CRMP1: variants seen among roughly 807,000 people sequenced by gnomAD.
The protein encoded by CRMP1 is dihydropyrimidinase-related protein 1.
A neutral mutation model predicts 68.3 loss-of-function variants in CRMP1; 19 were observed. That is an observed-to-expected ratio of 0.28 (90% CI 0.19 to 0.41). CRMP1 has a LOEUF of 0.41. Among genes scored for constraint, CRMP1 ranks in the 10% least tolerant of loss-of-function variants. The pLI is 1.00. For synonymous variants in CRMP1, 439 were observed against 399.6 expected, an observed-to-expected ratio of 1.10 and a Z score of -1.18; for missense variants, 791 against 967.4, an observed-to-expected ratio of 0.82 and a Z score of 2.42.
In CRMP1 at chr4:5,859,087, A is replaced by G. The variant is rs1713352482; in HGVS notation, c.655+1939T>C. ...CAGGAGTCACAGTTTCTAGTCATAC[A>G]TGTGGACGATTAGTGACTCCCCAAG... On this transcript the variant is annotated intron_variant, in intron 3 of 13. Coordinates refer to ENST00000324989, the MANE Select transcript of CRMP1 (RefSeq NM_001014809.3). This position sits in a 1 kb window ranked among gnomAD's most constrained non-coding sequence, Gnocchi z 5.2. 6.6e-6 allele frequency among the ~76,000 whole-genome samples: 1 copy of G among 152,120 alleles called. No individual in the cohort carries two copies. The highest frequency in any genetic ancestry group is 6.5e-5 in the Admixed American group (1 of 15,268).
chr4:5,888,474 C>T lies in CRMP1; in HGVS notation c.381+4115G>A. ...CGCCGCTCCGGCTGCCAGCACCGCC[C>T]GGATCGGCGAGGAGGGCGGGAGAAG... On this transcript the variant is annotated intron_variant, in intron 1 of 13. Transcript: ENST00000324989. The surrounding 1 kb of genome is among the most constrained non-coding windows in gnomAD (Gnocchi z 6.4). 3 of 1,209,056 alleles carry T rather than the reference C, an allele frequency of 2.5e-6. No individual in the cohort carries two copies. Among genetic ancestry groups the T allele is most frequent in the South Asian group, 8.6e-5 (2 of 23,326 alleles). 74.9% of individuals were successfully genotyped at this position (1,209,056 alleles called of 1,614,324 possible). A position where few individuals can be genotyped will look rare whatever the true frequency, so the allele number is the denominator to read the frequency against.
At position 5,854,890 on chromosome 4, in the gene CRMP1, T is replaced by C. The variant is rs540405195; in HGVS notation, c.820+1253A>G. On this transcript the variant is annotated intron_variant, in intron 4 of 13. Transcript: ENST00000324989. This position sits in a 1 kb window ranked among gnomAD's most constrained non-coding sequence, Gnocchi z 4.0. ...ACCTCTGACCTTCTAATTCCACTTC[T>C]GGAAATCTAAAGAAAAATTAGAAAT... 6.6e-6 allele frequency among the ~76,000 whole-genome samples: 1 copy of C among 152,284 alleles called. No homozygotes were observed. Among genetic ancestry groups the C allele is most frequent in the South Asian group, 2.1e-4 (1 of 4,832 alleles).
At position 5,881,921 on chromosome 4, in the gene CRMP1, C is replaced by T. The variant is rs1246316807; in HGVS notation, c.381+10668G>A. Among the ~76,000 whole-genome samples the T allele has an allele frequency of 6.6e-6, 1 of 152,144 alleles. No individual in the cohort carries two copies. Among genetic ancestry groups the T allele is most frequent in the Non-Finnish European group, 1.5e-5 (1 of 68,032 alleles). On this transcript the variant is annotated intron_variant, in intron 1 of 13. Coordinates refer to ENST00000324989, the MANE Select transcript of CRMP1 (RefSeq NM_001014809.3). This position sits in a 1 kb window ranked among gnomAD's most constrained non-coding sequence, Gnocchi z 4.6. ...TAATATCTATCTCTGTCCTTTGCCTCTCACCCTCATTCCAATCTATTCCTT... is the reference window on the plus strand; with the variant it reads ...TAATATCTATCTCTGTCCTTTGCCTTTCACCCTCATTCCAATCTATTCCTT...
intron 11 of CRMP1, among the ~76,000 whole-genome samples, chr4:5,835,365 G>A (rs1720662516): frequency 6.6e-6 from 1 of 152,198 alleles, no homozygotes. Flanking sequence ...CTCTGTGCAC[G>A]CATCTTTGGT....
chr4:5,846,733 G>T (rs1712225850), intron 6 of CRMP1, among the ~76,000 whole-genome samples: 1 of 143,048 alleles, frequency 7.0e-6, no homozygotes, highest in Non-Finnish European at 1.5e-5. Flanking sequence ...TAGGATTACA[G>T]GCACCCGCCA....
intron 5 of CRMP1, 92 bp from the exon 6 acceptor site, chr4:5,849,564 A>T (rs1712470254): frequency 1.3e-6 from 1 of 794,276 alleles, no homozygotes; most frequent in Middle Eastern, 3.2e-4. Flanking sequence ...GATCACACCC[A>T]TTCGGTCATT....
At position 5,879,763 on chromosome 4, in the gene CRMP1, T is replaced by C. The variant is rs1715106847; in HGVS notation, c.381+12826A>G. Among the ~76,000 whole-genome samples the C allele has an allele frequency of 6.6e-6, 1 of 152,150 alleles. No individual in the cohort carries two copies. Among genetic ancestry groups the C allele is most frequent in the Admixed American group, 6.5e-5 (1 of 15,276 alleles). On this transcript the variant is annotated intron_variant, in intron 1 of 13. Coordinates refer to ENST00000324989, the MANE Select transcript of CRMP1 (RefSeq NM_001014809.3). This position sits in a 1 kb window ranked among gnomAD's most constrained non-coding sequence, Gnocchi z 4.2. The stretch of plus-strand genomic sequence containing the variant: ...AGCTTCTCAGAGGAGTTGATGGCCT[T>C]AGGAAGCCTTTAAACTCGTTTAAGA...
rs1712978091 is a variant in CRMP1 at position 5,855,393 on chromosome 4, T to G, written c.820+750A>C. 6.6e-6 allele frequency among the ~76,000 whole-genome samples: 1 copy of G among 152,192 alleles called. No homozygotes were observed. The highest frequency in any genetic ancestry group is 1.5e-5 in the Non-Finnish European group (1 of 68,038). On this transcript the variant is annotated intron_variant, in intron 4 of 13. Coordinates refer to ENST00000324989, the MANE Select transcript of CRMP1 (RefSeq NM_001014809.3). The surrounding 1 kb of genome is among the most constrained non-coding windows in gnomAD (Gnocchi z 4.9). ...CTCAGAGGGCTCCCCGACTGCCCCT[T>G]TCTGGACAGATCGCTCATGCCCTGT...
chr4:5,888,425 G>A lies in CRMP1; in HGVS notation c.381+4164C>T. The A allele has an allele frequency of 8.2e-7, 1 of 1,216,374 alleles. No individual in the cohort carries two copies. Among genetic ancestry groups the A allele is most frequent in the Non-Finnish European group, 1.0e-6 (1 of 978,176 alleles). 75.3% of individuals were successfully genotyped at this position (1,216,374 alleles called of 1,614,324 possible). On this transcript the variant is annotated intron_variant, in intron 1 of 13. Transcript: ENST00000324989. This position sits in a 1 kb window ranked among gnomAD's most constrained non-coding sequence, Gnocchi z 6.4. ...CGCCCGTGGATGCCCACGCGCGGCT[G>A]CCCCGGCTGCTCGGCCCGCCCGCCG...
intron 1 of CRMP1, chr4:5,887,407 C>A (rs1715664584): frequency 3.0e-6 from 3 of 985,530 alleles, no homozygotes; most frequent in Non-Finnish European, 3.6e-6. Flanking sequence ...CAGTGGTCCG[C>A]ATCCCTCAGG....
Position 5,881,564 on chromosome 4 carries a change from C to T in CRMP1, c.381+11025G>A, listed in dbSNP as rs145847647. ...AGCACCGTGGTGCTGTCCACTGCCC[C>T]GACCATGTTCTTTTATATGCTCTCA... On this transcript the variant is annotated intron_variant, in intron 1 of 13. Transcript: ENST00000324989. The surrounding 1 kb of genome is among the most constrained non-coding windows in gnomAD (Gnocchi z 4.6). Among the ~76,000 whole-genome samples, 27 of 152,194 alleles carry T rather than the reference C, an allele frequency of 1.8e-4. No individual in the cohort carries two copies. Among genetic ancestry groups the T allele is most frequent in the African/African-American group, 6.3e-4 (26 of 41,532 alleles).
chr4:5,883,274 C>T lies in CRMP1; in HGVS notation c.381+9315G>A, dbSNP rs13111471. 2.0e-5 allele frequency among the ~76,000 whole-genome samples: 3 copies of T among 149,876 alleles called. No individual in the cohort carries two copies. Among genetic ancestry groups the T allele is most frequent in the African/African-American group, 5.0e-5 (2 of 39,930 alleles). ...TTCCTTCCTTCCTCCCTCCCTCCCT[C>T]CCTTCCTGTCTTTCTATCTTTCTCT... On this transcript the variant is annotated intron_variant, in intron 1 of 13. Transcript: ENST00000324989. The surrounding 1 kb of genome is among the most constrained non-coding windows in gnomAD (Gnocchi z 4.5).
At position 5,891,842 on chromosome 4, in the gene CRMP1, C is replaced by T. The variant is rs765402130; in HGVS notation, c.381+747G>A. ...AGCCCTAGCGTTCCCTCTCCCTGAT[C>T]CTCCCGGCCCCATGCTCAGGTCCGG... On this transcript the variant is annotated intron_variant, in intron 1 of 13. Coordinates refer to ENST00000324989, the MANE Select transcript of CRMP1 (RefSeq NM_001014809.3). This position sits in a 1 kb window ranked among gnomAD's most constrained non-coding sequence, Gnocchi z 5.2. Among the ~76,000 whole-genome samples the T allele has an allele frequency of 6.6e-6, 1 of 152,190 alleles. No individual in the cohort carries two copies. Among genetic ancestry groups the T allele is most frequent in the Non-Finnish European group, 1.5e-5 (1 of 68,036 alleles).
At position 5,892,760 on chromosome 4, in the gene CRMP1, G is replaced by C; in HGVS notation, c.210C>G (p.Pro70=). Residue 70 remains proline, a synonymous_variant, in exon 1 of 14, where the codon CCC becomes CCG. Transcript: ENST00000324989. The surrounding 1 kb of genome is among the most constrained non-coding windows in gnomAD (Gnocchi z 8.6). ...CCGGCCCTGGCAGCCCGACCGCGTC[G>C]GGCCGGCCAGCGCTGCGCGGCGTGC... The part of the protein sequence containing the change: ...SARTPRSAGR[P]DAVGLPGPGG... 8.1e-7 allele frequency: 1 copy of C among 1,234,188 alleles called. No individual in the cohort carries two copies. The highest frequency in any genetic ancestry group is 1.0e-6 in the Non-Finnish European group (1 of 990,074). 76.5% of individuals were successfully genotyped at this position (1,234,188 alleles called of 1,614,324 possible).
rs1715118253 is a variant in CRMP1, at chr4:5,879,913, C to T, written c.381+12676G>A. On this transcript the variant is annotated intron_variant, in intron 1 of 13. Coordinates refer to ENST00000324989, the MANE Select transcript of CRMP1 (RefSeq NM_001014809.3). The surrounding 1 kb of genome is among the most constrained non-coding windows in gnomAD (Gnocchi z 4.2). ...TGAAAGAAAGTAAAGGAAAACCTAA[C>T]ACCGTATGCGGAAATCATGATAGAG... 6.6e-6 allele frequency among the ~76,000 whole-genome samples: 1 copy of T among 151,688 alleles called. No individual in the cohort carries two copies. Among genetic ancestry groups the T allele is most frequent in the African/African-American group, 2.4e-5 (1 of 41,286 alleles).
At chr4:5,832,922 T>A (rs955772721) in intron 11 of CRMP1, among the ~76,000 whole-genome samples, 1 of 152,106 alleles carries the variant, frequency 6.6e-6, no homozygotes, top group African/African-American at 2.4e-5. Flanking sequence ...GAGGTCACAT[T>A]GGGGTGTGGT....
intron 12 of CRMP1, chr4:5,826,951 G>A (rs570167085): frequency 1.3e-5 from 2 of 152,600 alleles, no homozygotes; most frequent in Non-Finnish European, 2.9e-5. Context: ...CCGACTCCCT[G>A]GGCCTCACTG....
chr4:5,825,602 G>T lies in CRMP1; in HGVS notation c.1861C>A (p.Pro621Thr), dbSNP rs1719427909. Residue 621 changes from proline to threonine, a missense_variant, in exon 13 of 14, where the codon CCA becomes ACA. Transcript: ENST00000324989. The surrounding 1 kb of genome is among the most constrained non-coding windows in gnomAD (Gnocchi z 4.4). ...GMYDGPVYEV[P>T]ATPKYATPAP... ...GGAGTTGCATATTTGGGTGTAGCTG[G>T]TACCTCGTACACAGGACCGTCATAC... 1 of 1,602,928 alleles carries T rather than the reference G, an allele frequency of 6.2e-7. No individual in the cohort carries two copies. The highest frequency in any genetic ancestry group is 1.3e-5 in the African/African-American group (1 of 74,270).
chr4:5,824,668 T>C (rs544097734), intron 13 of CRMP1: 21 of 962,764 alleles, frequency 2.2e-5, no homozygotes, highest in South Asian at 1.4e-4. Context: ...ATCCTAGATG[T>C]TGACATCCTA....
Sources: gnomAD v4.1 joint callset for allele counts (sites outside exome capture counted in the v4.1 genomes callset) on GRCh38, gnomAD v4.1.1 for gene constraint, Gnocchi (gnomAD v3.1) non-coding constraint, MANE v1.5 for transcripts, NCBI Gene and HGNC (gene_info 2026-07-23, HGNC 2026-07-21) for gene names.